ACSL1: variants seen among roughly 807,000 people sequenced by gnomAD.
ACSL1 encodes the protein long-chain-fatty-acid--CoA ligase 1.
A neutral mutation model predicts 98.4 loss-of-function variants in ACSL1; 41 were observed. The ratio of observed to expected loss-of-function variants is 0.42; its 90% confidence interval spans 0.32 to 0.54. ACSL1 has a LOEUF of 0.54. ACSL1 is among the 20% of genes least tolerant of loss of function. ACSL1 has a pLI of 0.13. For missense variants in ACSL1, 734 were observed against 883.1 expected (o/e 0.83, Z 2.14); for synonymous variants, 316 against 322.7 (o/e 0.98, Z 0.22).
chr4:184,805,956 C>G (rs55939217), intron 1 of ACSL1, among the ~76,000 whole-genome samples: 15,781 of 152,206 alleles, frequency 0.1, 1,017 homozygotes, highest in Non-Finnish European at 0.15. Flanking sequence ...GGTGGTATGT[C>G]TAACCAAGGT....
At chr4:184,761,851 C>T (rs965569815) in intron 17 of ACSL1, among the ~76,000 whole-genome samples, 22 of 150,150 alleles carry the variant, frequency 1.5e-4, no homozygotes, top group Non-Finnish European at 3.0e-4. Flanking sequence ...GGGCCAGGCG[C>T]GGTGGTGGCT....
rs780338745 is a variant in ACSL1 at position 184,763,277 on chromosome 4, G to C, written c.1433-22C>G. 1.1e-5 allele frequency: 17 copies of C among 1,607,158 alleles called. No individual in the cohort carries two copies. The African/African-American group carries it at 2.3e-4, about 22-fold the overall frequency. On this transcript the variant is annotated intron_variant, in intron 15 of 20. Coordinates refer to ENST00000281455, the MANE Select transcript of ACSL1 (RefSeq NM_001995.5). Reference sequence around the variant, plus strand: ...TGGCCTGTATATTAAATAAGCAAATGGTCATTCCTAAGGGAACTACTCATA... The same window carrying C: ...TGGCCTGTATATTAAATAAGCAAATCGTCATTCCTAAGGGAACTACTCATA...
intron 1 of ACSL1, among the ~76,000 whole-genome samples, chr4:184,806,736 A>T (rs1474751870): frequency 6.6e-6 from 1 of 152,222 alleles, no homozygotes; most frequent in East Asian, 1.9e-4. Context: ...GTACAAGAAC[A>T]TTTCATTAGA....
intron 1 of ACSL1, among the ~76,000 whole-genome samples, chr4:184,824,656 AG>A (rs1773322703): frequency 6.6e-6 from 1 of 152,168 alleles, no homozygotes; most frequent in South Asian, 2.1e-4. Context: ...CAAGAAAGTA[AG>A]TCTCCCAAGA....
At chr4:184,822,480 G>A (rs910857132) in intron 1 of ACSL1, among the ~76,000 whole-genome samples, 3 of 152,204 alleles carry the variant, frequency 2.0e-5, no homozygotes, top group Non-Finnish European at 4.4e-5. Flanking sequence ...GCTCACGCCT[G>A]TAATCCTAGC....
intron 2 of ACSL1, among the ~76,000 whole-genome samples, chr4:184,796,183 C>G (rs1353041137): frequency 6.6e-6 from 1 of 152,220 alleles, no homozygotes; most frequent in Non-Finnish European, 1.5e-5. Flanking sequence ...TCCCAGCCTA[C>G]ATCTTTCTCC....
intron 1 of ACSL1, among the ~76,000 whole-genome samples, chr4:184,816,065 G>C (rs1220046698): frequency 6.6e-6 from 1 of 151,838 alleles, no homozygotes; most frequent in Non-Finnish European, 1.5e-5. Context: ...CAGCGGCAGT[G>C]AGCCAAGATG....
At chr4:184,811,399 A>C (rs1255482504) in intron 1 of ACSL1, among the ~76,000 whole-genome samples, 3 of 152,116 alleles carry the variant, frequency 2.0e-5, no homozygotes, top group Admixed American at 2.0e-4. Flanking sequence ...GGTGTGAGCC[A>C]CCGCGCCCAG....
At chr4:184,795,023 C>G (rs1421518578) in intron 2 of ACSL1, among the ~76,000 whole-genome samples, 1 of 152,142 alleles carries the variant, frequency 6.6e-6, no homozygotes, top group Non-Finnish European at 1.5e-5. Context: ...GACCACAAAC[C>G]CGCCTCAATG....
intron 1 of ACSL1, among the ~76,000 whole-genome samples, chr4:184,807,112 G>A (rs911269168): frequency 2.0e-5 from 3 of 152,230 alleles, no homozygotes; most frequent in Admixed American, 6.5e-5. Flanking sequence ...TTTCAACGCT[G>A]TATGTGAACA....
intron 16 of ACSL1, among the ~76,000 whole-genome samples, chr4:184,762,791 G>A (rs55830512): frequency 0.17 from 25,924 of 152,168 alleles, 2,335 homozygotes; most frequent in African/African-American, 0.18. Context: ...GGAAAGCCCC[G>A]CAGGGGATGA....
Position 184,766,058 on chromosome 4 carries a change from GC to G in ACSL1, c.1264-73del. ...AGTCGGCGGCCTCTCCGCCAAGGGG[GC>G]CTGCTTGGGACCCCGTTCCCTAACC... On this transcript the variant is annotated intron_variant, in intron 13 of 20. Coordinates refer to ENST00000281455, the MANE Select transcript of ACSL1 (RefSeq NM_001995.5). This position sits in a 1 kb window ranked among gnomAD's most constrained non-coding sequence, Gnocchi z 4.8. 1 of 1,436,388 alleles carries G rather than the reference GC, an allele frequency of 7.0e-7. No homozygotes were observed. Among genetic ancestry groups the G allele is most frequent in the Admixed American group, 1.8e-5 (1 of 57,088 alleles). The allele number at this position is 1,436,388 out of a possible 1,614,324, so 89.0% of individuals were successfully genotyped here. A position where few individuals can be genotyped will look rare whatever the true frequency, so the allele number is the denominator to read the frequency against.
intron 7 of ACSL1, among the ~76,000 whole-genome samples, 197 bp downstream of exon 7, chr4:184,776,287 G>T (rs1873226): frequency 1 from 152,244 of 152,380 alleles, 76,055 homozygotes; most frequent in Non-Finnish European, 1. Flanking sequence ...TAAGGTGTGA[G>T]GTGTTAACAC....
intron 2 of ACSL1, among the ~76,000 whole-genome samples, chr4:184,802,341 A>G (rs1466019081): frequency 1.3e-5 from 2 of 151,878 alleles, no homozygotes; most frequent in Non-Finnish European, 1.5e-5. Flanking sequence ...AAGGGCACAC[A>G]CTCCCTCTGC....
intron 3 of ACSL1, among the ~76,000 whole-genome samples, chr4:184,784,552 C>T (rs184879643): frequency 2.0e-5 from 3 of 152,226 alleles, no homozygotes; most frequent in East Asian, 1.9e-4. Flanking sequence ...AATGAGGTGA[C>T]GTGAAGCGGT....
chr4:184,781,977 C>A (rs1490268829), intron 4 of ACSL1, among the ~76,000 whole-genome samples: 1 of 152,098 alleles, frequency 6.6e-6, no homozygotes, highest in Admixed American at 6.5e-5. Flanking sequence ...ACACCCATAC[C>A]CATAGGAAAT....
rs1449029557 is a variant in ACSL1 at position 184,803,194 on chromosome 4, A to G, written c.195+126T>C. 2.6e-5 allele frequency: 26 copies of G among 1,008,208 alleles called. No individual in the cohort carries two copies. The highest frequency in any genetic ancestry group is 2.2e-5 in the Non-Finnish European group (16 of 722,784). The allele number at this position is 1,008,208 out of a possible 1,614,324, so 62.5% of individuals were successfully genotyped here. On this transcript the variant is annotated intron_variant, in intron 2 of 20. Coordinates refer to ENST00000281455, the MANE Select transcript of ACSL1 (RefSeq NM_001995.5). This position sits in a 1 kb window ranked among gnomAD's most constrained non-coding sequence, Gnocchi z 4.8. ...TTTACCACCATCAGTAATTTGGCAC[A>G]TTTCCATTTACAAAGTGCAGTTATA... is the stretch of plus-strand genomic sequence containing the variant.
chr4:184,793,264 G>A (rs566974930), intron 2 of ACSL1, among the ~76,000 whole-genome samples: 4 of 150,876 alleles, frequency 2.7e-5, no homozygotes, highest in Non-Finnish European at 5.9e-5. Context: ...AGTATATTCC[G>A]CAACATCTCT....
intron 1 of ACSL1, among the ~76,000 whole-genome samples, chr4:184,824,498 G>T (rs114293757): frequency 6.6e-6 from 1 of 152,256 alleles, no homozygotes; most frequent in Non-Finnish European, 1.5e-5. Flanking sequence ...TGTTTTAAAG[G>T]GGAGAGGTAT....
Sources: allele counts gnomAD v4.1 joint callset (sites outside exome capture counted in the v4.1 genomes callset), GRCh38; gene constraint gnomAD v4.1.1; non-coding constraint Gnocchi (gnomAD v3.1); transcripts MANE v1.5; gene names NCBI Gene and HGNC (gene_info 2026-07-23, HGNC 2026-07-21).